GABRG3: variants seen among roughly 807,000 people sequenced by gnomAD.
GABRG3 encodes gamma-aminobutyric acid type A receptor subunit gamma3.
Under a neutral mutation model 48.8 loss-of-function variants are expected in GABRG3, and 25 were observed. The ratio of observed to expected loss-of-function variants is 0.51; its 90% CI spans 0.37 to 0.72. The LOEUF (loss-of-function observed/expected upper bound fraction) is 0.72. Among genes scored for constraint, GABRG3 ranks in the 30% least tolerant of loss-of-function variants. GABRG3 has a pLI of 0.00. For missense variants in GABRG3, 394 were observed against 577.9 expected, an observed-to-expected ratio of 0.68 and a Z score of 3.26; for synonymous variants, 227 against 217.6, an observed-to-expected ratio of 1.04 and a Z score of -0.38.
chr15:27,189,739 G>A (rs865940253), intron 3 of GABRG3, among the ~76,000 whole-genome samples: 38 of 152,024 alleles, frequency 2.5e-4, no homozygotes, highest in African/African-American at 8.0e-4. Context: ...CCTAATTGCC[G>A]TGGCCAGAAG....
chr15:27,343,056 C>T (rs1440960909), intron 5 of GABRG3, among the ~76,000 whole-genome samples: 1 of 152,230 alleles, frequency 6.6e-6, no homozygotes, highest in Non-Finnish European at 1.5e-5. Flanking sequence ...TACCTGTCTA[C>T]TCTAAAACTT....
At chr15:27,206,217 G>A (rs951711967) in intron 3 of GABRG3, among the ~76,000 whole-genome samples, 2 of 152,122 alleles carry the variant, frequency 1.3e-5, no homozygotes, top group Non-Finnish European at 2.9e-5. Flanking sequence ...TCTTAACAGT[G>A]CTTTAGCTGT....
chr15:27,307,180 T>G (rs1335034849), intron 3 of GABRG3, among the ~76,000 whole-genome samples: 1 of 138,082 alleles, frequency 7.2e-6, no homozygotes, highest in African/African-American at 2.6e-5. Context: ...ACATAATATA[T>G]AAACATGTTT....
intron 5 of GABRG3, among the ~76,000 whole-genome samples, chr15:27,465,721 CT>C (rs1889587779): frequency 6.6e-6 from 1 of 152,142 alleles, no homozygotes; most frequent in Admixed American, 6.5e-5. Flanking sequence ...GCAAATTCAC[CT>C]CTAGGTAGTC....
chr15:27,006,905 T>C (rs1018900500), intron 2 of GABRG3, among the ~76,000 whole-genome samples: 7 of 151,552 alleles, frequency 4.6e-5, no homozygotes. Context: ...GGTGGCACAA[T>C]TGGGCTTACT....
At chr15:27,496,958 C>A (rs543152131) in intron 6 of GABRG3, among the ~76,000 whole-genome samples, 2 of 152,234 alleles carry the variant, frequency 1.3e-5, no homozygotes, top group African/African-American at 4.8e-5. Flanking sequence ...ATTTTATGCT[C>A]AAAAGGAAAA....
chr15:27,233,347 C>T (rs1249097542), intron 3 of GABRG3, among the ~76,000 whole-genome samples: 1 of 152,104 alleles, frequency 6.6e-6, no homozygotes, highest in Non-Finnish European at 1.5e-5. Context: ...GCTCAGGATG[C>T]TCTAACAGAA....
chr15:27,426,978 T>A (rs979480241), intron 5 of GABRG3, among the ~76,000 whole-genome samples: 1 of 152,224 alleles, frequency 6.6e-6, no homozygotes, highest in Non-Finnish European at 1.5e-5. Context: ...GTAGCATTCA[T>A]GTTTTTTGAA....
chr15:27,037,218 G>T (rs944776690), intron 3 of GABRG3, among the ~76,000 whole-genome samples: 1 of 152,186 alleles, frequency 6.6e-6, no homozygotes, highest in African/African-American at 2.4e-5. Flanking sequence ...CACATTTGTT[G>T]TGTGAGCCCC....
intron 5 of GABRG3, among the ~76,000 whole-genome samples, chr15:27,465,783 A>T (rs186389963): frequency 6.6e-6 from 1 of 152,296 alleles, no homozygotes; most frequent in East Asian, 1.9e-4. Context: ...TTTCCATTCC[A>T]CAACAAGGAT....
At chr15:27,326,534 T>C (rs1222934057) in intron 3 of GABRG3, among the ~76,000 whole-genome samples, 1 of 152,200 alleles carries the variant, frequency 6.6e-6, no homozygotes, top group East Asian at 1.9e-4. Flanking sequence ...CACCCTGAAA[T>C]AGATTCTACT....
intron 6 of GABRG3, among the ~76,000 whole-genome samples, chr15:27,513,329 A>G (rs1302612143): frequency 2.0e-5 from 3 of 152,006 alleles, no homozygotes; most frequent in South Asian, 2.1e-4. Context: ...GGGCGCCTGT[A>G]GTCCCAGCTA....
intron 4 of GABRG3, 78 bp from the exon 5 acceptor site, chr15:27,328,728 C>T: frequency 8.2e-7 from 1 of 1,222,096 alleles, no homozygotes; most frequent in Non-Finnish European, 1.2e-6. Context: ...TCTCCATCCC[C>T]ACATGGGGTG....
At chr15:27,276,363 TGTG>T (rs1891254061) in intron 3 of GABRG3, among the ~76,000 whole-genome samples, 1 of 152,132 alleles carries the variant, frequency 6.6e-6, no homozygotes, top group Non-Finnish European at 1.5e-5. Context: ...ATGGTGCAAA[TGTG>T]GTGGTTTAGT....
chr15:27,478,781 G>A (rs1264662865), intron 5 of GABRG3, among the ~76,000 whole-genome samples: 1 of 152,140 alleles, frequency 6.6e-6, no homozygotes, highest in Non-Finnish European at 1.5e-5. Context: ...ACAAAATATG[G>A]TATATCTGTA....
chr15:27,121,676 G>A (rs759656001), intron 3 of GABRG3, among the ~76,000 whole-genome samples: 4 of 152,170 alleles, frequency 2.6e-5, no homozygotes, highest in East Asian at 1.9e-4. Flanking sequence ...AGGTCATAAC[G>A]CTAGAAAATA....
chr15:27,525,707 A>G (rs1279796717), intron 7 of GABRG3, among the ~76,000 whole-genome samples: 1 of 152,190 alleles, frequency 6.6e-6, no homozygotes, highest in Non-Finnish European at 1.5e-5. Context: ...TCACATTTTT[A>G]AAAGCTGAAT....
intron 3 of GABRG3, among the ~76,000 whole-genome samples, chr15:27,263,285 G>T (rs1023850942): frequency 6.6e-6 from 1 of 152,178 alleles, no homozygotes; most frequent in African/African-American, 2.4e-5. Context: ...GTGATCCATT[G>T]ATCTCAACCC....
chr15:27,371,270 A>G (rs917863922), intron 5 of GABRG3, among the ~76,000 whole-genome samples: 1 of 149,680 alleles, frequency 6.7e-6, no homozygotes, highest in African/African-American at 2.5e-5. Context: ...CTTTTCCCTG[A>G]GACAGTGAAC....
Sources: gnomAD v4.1 joint callset for allele counts (sites outside exome capture counted in the v4.1 genomes callset) on GRCh38, gnomAD v4.1.1 for gene constraint, MANE v1.5 for transcripts, NCBI Gene and HGNC (gene_info 2026-07-23, HGNC 2026-07-21) for gene names.